ALDH2: variants seen among roughly 807,000 people sequenced by gnomAD.
The protein encoded by ALDH2 is aldehyde dehydrogenase 2 family member.
In ALDH2, 44 loss-of-function variants were observed where a neutral mutation model predicts 59.6. The observed-to-expected ratio is 0.74, with a 90% CI of 0.58 to 0.95. The LOEUF (loss-of-function observed/expected upper bound fraction) is 0.95. Among genes scored for constraint, ALDH2 ranks in the 40% least tolerant of loss-of-function variants. The pLI, the probability that ALDH2 is intolerant of heterozygous loss-of-function variation, is 0.00. For synonymous variants in ALDH2, 291 were observed against 284.0 expected, an observed-to-expected ratio of 1.02 and a Z score of -0.25; for missense variants, 570 against 696.3, an observed-to-expected ratio of 0.82 and a Z score of 2.04.
chr12:111,768,166 T>G (rs2068173252), intron 1 of ALDH2, among the ~76,000 whole-genome samples: 1 of 152,222 alleles, frequency 6.6e-6, no homozygotes, highest in Non-Finnish European at 1.5e-5. Flanking sequence ...GTGGCATAGT[T>G]GGGGTTCACA....
chr12:111,814,041 G>A lies in ALDH2; in HGVS notation c.*4466G>A, dbSNP rs1024282360. The A allele has an allele frequency of 1.3e-5, 2 of 152,312 alleles. No homozygotes were observed. Among genetic ancestry groups the A allele is most frequent in the African/African-American group, 2.4e-5 (1 of 41,440 alleles). The allele number at this position is 152,312 out of a possible 1,614,324, so 9.4% of individuals were successfully genotyped here. The stretch of plus-strand genomic sequence containing the variant: ...GAGGTCAAGAGTTCGAGACTAGCCT[G>A]GCCAACATGGTGAAATCCCATCTCG... On this transcript the variant is annotated 3_prime_UTR_variant, in exon 13 of 13. Coordinates refer to ENST00000261733, the MANE Select transcript of ALDH2 (RefSeq NM_000690.4).
At chr12:111,796,964 C>CT (rs554909623) in intron 9 of ALDH2, among the ~76,000 whole-genome samples, 363 of 139,110 alleles carry the variant, frequency 2.6e-3, no homozygotes, top group Middle Eastern at 3.8e-3. Context: ...AGCTTTACTT[C>CT]TTTTTTTTTT....
chr12:111,767,150 G>T, intron 1 of ALDH2, 54 bp downstream of exon 1: 5 of 1,378,770 alleles, frequency 3.6e-6, no homozygotes, highest in Non-Finnish European at 4.7e-6. Context: ...TCCCCCGCAG[G>T]CCCCTAGGAA....
intron 11 of ALDH2, among the ~76,000 whole-genome samples, chr12:111,802,662 C>T (rs146063905): frequency 0.016 from 2,446 of 151,398 alleles, 77 homozygotes; most frequent in African/African-American, 0.054. Context: ...GGGCGGATCA[C>T]GAGGTCAGAA....
At chr12:111,795,601 T>TC (rs2068397236) in intron 9 of ALDH2, among the ~76,000 whole-genome samples, 1 of 149,008 alleles carries the variant, frequency 6.7e-6, no homozygotes, top group East Asian at 2.0e-4. Context: ...CTTTTCTTTT[T>TC]TTTTTTTTTG....
At chr12:111,809,428 TG>T in intron 12 of ALDH2, 114 bp from the exon 13 acceptor site, 1 of 1,151,400 alleles carries the variant, frequency 8.7e-7, no homozygotes, top group Non-Finnish European at 1.3e-6. Flanking sequence ...TACTCCAGTC[TG>T]GGGAGAAAAA....
rs144263287 is a variant in ALDH2, at chr12:111,804,668, A to G, written c.1521+695A>G. On this transcript the variant is annotated intron_variant, in intron 12 of 12. Coordinates refer to ENST00000261733, the MANE Select transcript of ALDH2 (RefSeq NM_000690.4). Reference sequence around the variant, plus strand: ...AGGCTGAGGCAGGAGAATCGCTTGAACACGGGAGGCGGAGGTTGCAGTGAG... The same window carrying G: ...AGGCTGAGGCAGGAGAATCGCTTGAGCACGGGAGGCGGAGGTTGCAGTGAG... 3.5e-3 allele frequency among the ~76,000 whole-genome samples: 532 copies of G among 151,904 alleles called. 4 individuals carry two copies. Among genetic ancestry groups the G allele is most frequent in the African/African-American group, 0.012 (506 of 41,434 alleles).
At chr12:111,784,541 C>T (rs1055904636) in intron 3 of ALDH2, among the ~76,000 whole-genome samples, 4 of 152,238 alleles carry the variant, frequency 2.6e-5, no homozygotes, top group African/African-American at 7.2e-5. Context: ...GCCTAAAGGG[C>T]TCATCTCTGG....
rs2068274734 is a variant in ALDH2 at position 111,781,898 on chromosome 12, T to C, written c.115-20T>C. ...TAGGTTGACAGCTGGTCCTGAGAAC[T>C]TCTTTCCTTCTCATTGTAGATTTTC... On this transcript the variant is annotated intron_variant, in intron 1 of 12. Transcript: ENST00000261733. 1.3e-6 allele frequency: 2 copies of C among 1,593,506 alleles called. No individual in the cohort carries two copies. The highest frequency in any genetic ancestry group is 1.3e-5 in the African/African-American group (1 of 74,570).
chr12:111,790,869 A>G (rs993271486), intron 6 of ALDH2, among the ~76,000 whole-genome samples: 1 of 152,262 alleles, frequency 6.6e-6, no homozygotes, highest in East Asian at 1.9e-4. Context: ...AGCCTGAGCA[A>G]CATAGCAAGA....
At chr12:111,801,153 G>T (rs2068448564) in intron 11 of ALDH2, among the ~76,000 whole-genome samples, 1 of 152,230 alleles carries the variant, frequency 6.6e-6, no homozygotes, top group Non-Finnish European at 1.5e-5. Context: ...GTCTCACGTG[G>T]TGGCAGACAA....
chr12:111,789,775 G>A, intron 4 of ALDH2, 48 bp from the exon 5 acceptor site: 2 of 1,492,246 alleles, frequency 1.3e-6, no homozygotes, highest in Non-Finnish European at 1.9e-6. Context: ...GGTTTGCAGG[G>A]GTCCCTGACA....
In ALDH2 at chr12:111,803,988, T is replaced by C. The variant is rs765681003; in HGVS notation, c.1521+15T>C. On this transcript the variant is annotated intron_variant, in intron 12 of 12. Coordinates refer to ENST00000261733, the MANE Select transcript of ALDH2 (RefSeq NM_000690.4). ...AAGTGAAAACTGTGAGTGTGGGACC[T>C]GCTGGGGGCTCAGGGCCTGTTGGGG... 6.3e-7 allele frequency: 1 copy of C among 1,582,146 alleles called. No homozygotes were observed. The highest frequency in any genetic ancestry group is 8.6e-7 in the Non-Finnish European group (1 of 1,160,748).
chr12:111,808,802 A>C (rs2068515770), intron 12 of ALDH2, among the ~76,000 whole-genome samples: 1 of 152,100 alleles, frequency 6.6e-6, no homozygotes, highest in East Asian at 1.9e-4. Context: ...GACTGCTCCA[A>C]GGAGAAAGAT....
chr12:111,795,314 G>A (rs570153649), intron 9 of ALDH2, among the ~76,000 whole-genome samples: 126 of 152,128 alleles, frequency 8.3e-4, no homozygotes, highest in Non-Finnish European at 1.6e-3. Flanking sequence ...AGACCGTCTC[G>A]CTCTGTCACC....
intron 12 of ALDH2, among the ~76,000 whole-genome samples, chr12:111,806,388 T>A (rs1334063716): frequency 6.6e-6 from 1 of 151,726 alleles, no homozygotes; most frequent in Non-Finnish European, 1.5e-5. Context: ...TTACTGTGAA[T>A]ACTAATTATA....
At chr12:111,787,680 G>T (rs2068320635) in intron 4 of ALDH2, among the ~76,000 whole-genome samples, 1 of 152,116 alleles carries the variant, frequency 6.6e-6, no homozygotes, top group Non-Finnish European at 1.5e-5. Flanking sequence ...TGGATCACCT[G>T]AGGTCAGGAG....
chr12:111,767,203 C>T, intron 1 of ALDH2, 107 bp downstream of exon 1: 1 of 924,316 alleles, frequency 1.1e-6, no homozygotes, highest in Non-Finnish European at 1.5e-6. Context: ...ATCTGGGGCT[C>T]GAGGGGTTTG....
chr12:111,784,829 G>T (rs907821308), intron 3 of ALDH2, among the ~76,000 whole-genome samples: 1 of 152,088 alleles, frequency 6.6e-6, no homozygotes, highest in Admixed American at 6.6e-5. Flanking sequence ...GGTCAGGCTG[G>T]TCTCGAACAC....
Sources: gnomAD v4.1 joint callset for allele counts (sites outside exome capture counted in the v4.1 genomes callset) on GRCh38, gnomAD v4.1.1 for gene constraint, MANE v1.5 for transcripts, NCBI Gene and HGNC (gene_info 2026-07-23, HGNC 2026-07-21) for gene names.